SMAD9: variants seen among roughly 807,000 people sequenced by gnomAD.
The protein encoded by SMAD9 is MAD homolog 9.
A neutral mutation model predicts 46.1 loss-of-function variants in SMAD9; 36 were observed. That is an observed-to-expected ratio of 0.78 (90% CI 0.60 to 1.03). The LOEUF is 1.03. Among genes scored for constraint, SMAD9 ranks in the 50% least tolerant of loss-of-function variants. The pLI is 0.00. For missense variants in SMAD9, 572 were observed against 599.8 expected, an observed-to-expected ratio of 0.95 and a Z score of 0.48; for synonymous variants, 245 against 237.1, an observed-to-expected ratio of 1.03 and a Z score of -0.31.
At chr13:36,877,423 A>C (rs1175585419) in intron 2 of SMAD9, among the ~76,000 whole-genome samples, 1 of 152,210 alleles carries the variant, frequency 6.6e-6, no homozygotes, top group African/African-American at 2.4e-5. Flanking sequence ...AATATTCAAA[A>C]GGAAAACCAG....
intron 1 of SMAD9, among the ~76,000 whole-genome samples, chr13:36,901,998 T>C (rs1227418391): frequency 2.0e-5 from 3 of 152,244 alleles, no homozygotes; most frequent in Non-Finnish European, 2.9e-5. Flanking sequence ...AAGTTTTTAA[T>C]TTTGATGAAA....
intron 1 of SMAD9, among the ~76,000 whole-genome samples, chr13:36,909,391 A>C (rs918526319): frequency 4.6e-5 from 7 of 152,248 alleles, no homozygotes; most frequent in Admixed American, 6.5e-5. Context: ...ATAAGCCAAC[A>C]TAACAGTGAT....
At chr13:36,908,257 A>C (rs1338067059) in intron 1 of SMAD9, among the ~76,000 whole-genome samples, 4 of 152,212 alleles carry the variant, frequency 2.6e-5, no homozygotes, top group Non-Finnish European at 5.9e-5. Context: ...CATGCCATGA[A>C]TCAGTATTAT....
intron 1 of SMAD9, among the ~76,000 whole-genome samples, chr13:36,885,630 T>C (rs1031517940): frequency 2.0e-5 from 3 of 151,856 alleles, no homozygotes; most frequent in African/African-American, 7.3e-5. Context: ...AAGGGTCAGT[T>C]CTAGTTTTCT....
intron 5 of SMAD9, among the ~76,000 whole-genome samples, chr13:36,855,251 C>CAAAAAAAAAA (rs1198605048): frequency 4.4e-5 from 2 of 45,974 alleles, no homozygotes; most frequent in African/African-American, 8.6e-5. Context: ...GAGTCCATCT[C>CAAAAAAAAAA]AAAAAAAAAA....
At chr13:36,889,807 G>A (rs969773420) in intron 1 of SMAD9, among the ~76,000 whole-genome samples, 3 of 151,940 alleles carry the variant, frequency 2.0e-5, no homozygotes, top group Non-Finnish European at 4.4e-5. Context: ...TTTATCATCT[G>A]GTAAATAATG....
At chr13:36,917,513 T>C (rs12427846) in intron 1 of SMAD9, among the ~76,000 whole-genome samples, 27,393 of 152,110 alleles carry the variant, frequency 0.18, 2,982 homozygotes, top group Non-Finnish European at 0.25. Context: ...GGTTTCAACG[T>C]ACTGCTATAT....
intron 1 of SMAD9, among the ~76,000 whole-genome samples, chr13:36,887,493 G>A (rs1445979892): frequency 6.6e-6 from 1 of 152,080 alleles, no homozygotes; most frequent in Non-Finnish European, 1.5e-5. Context: ...AAAGTGCTGG[G>A]ATTACAGGTG....
At chr13:36,859,444 A>G (rs1027415245) in intron 5 of SMAD9, among the ~76,000 whole-genome samples, 6 of 152,206 alleles carry the variant, frequency 3.9e-5, no homozygotes, top group Non-Finnish European at 7.3e-5. Flanking sequence ...TTGGCACAAG[A>G]TACAGGTCAT....
rs375209300 is a variant in SMAD9 at position 36,905,076 on chromosome 13, T to C, written c.-187+15040A>G. ...TTGCCCCCCACGGGACATCTGGCAA[T>C]GCCTACAGAAATTTTTGGTTGTTGT... On this transcript the variant is annotated intron_variant, in intron 1 of 6. Transcript: ENST00000379826. Among the ~76,000 whole-genome samples, 104 of 152,300 alleles carry C rather than the reference T, an allele frequency of 6.8e-4. 2 individuals carry two copies. Among genetic ancestry groups the C allele is most frequent in the African/African-American group, 2.4e-3 (101 of 41,562 alleles).
At chr13:36,899,136 C>T (rs552195571) in intron 1 of SMAD9, among the ~76,000 whole-genome samples, 2 of 151,830 alleles carry the variant, frequency 1.3e-5, no homozygotes, top group East Asian at 3.9e-4. Flanking sequence ...CAGCAGAAAA[C>T]AAATGGAAAA....
rs117337763 is a variant in SMAD9 at position 36,895,549 on chromosome 13, T to C, written c.-186-15674A>G. On this transcript the variant is annotated intron_variant, in intron 1 of 6. Transcript: ENST00000379826. ...TTGTCAAATATCTCCTGTCACCCTC[T>C]GTAGAGAACCACTGATATAGCATAA... 8.5e-4 allele frequency among the ~76,000 whole-genome samples: 130 copies of C among 152,340 alleles called. 1 individual carries two copies. The highest frequency in any genetic ancestry group is 1.6e-3 in the Non-Finnish European group (109 of 68,020).
chr13:36,882,652 A>C (rs1046415280), intron 1 of SMAD9, among the ~76,000 whole-genome samples: 2 of 152,230 alleles, frequency 1.3e-5, no homozygotes, highest in Non-Finnish European at 2.9e-5. Context: ...AAGAGTGATA[A>C]ACACCCAATT....
At chr13:36,914,805 G>A (rs2058686676) in intron 1 of SMAD9, among the ~76,000 whole-genome samples, 1 of 152,154 alleles carries the variant, frequency 6.6e-6, no homozygotes, top group Non-Finnish European at 1.5e-5. Context: ...GCAACTCCTG[G>A]CACTTCAGTT....
intron 5 of SMAD9, among the ~76,000 whole-genome samples, chr13:36,857,481 C>T (rs2058137930): frequency 6.6e-6 from 1 of 152,122 alleles, no homozygotes; most frequent in South Asian, 2.1e-4. Context: ...GTGACTGCCA[C>T]CCACTTTTTA....
At chr13:36,859,300 C>T (rs2058156633) in intron 5 of SMAD9, among the ~76,000 whole-genome samples, 1 of 152,168 alleles carries the variant, frequency 6.6e-6, no homozygotes, top group Non-Finnish European at 1.5e-5. Flanking sequence ...ACCACCTGGA[C>T]ATGCAGACCC....
intron 3 of SMAD9, among the ~76,000 whole-genome samples, chr13:36,867,868 C>T (rs932930380): frequency 4.6e-5 from 7 of 152,144 alleles, no homozygotes; most frequent in African/African-American, 1.2e-4. Context: ...ACCCAAGGCA[C>T]GCTGAGAAGG....
chr13:36,856,905 C>T lies in SMAD9; in HGVS notation c.1004-3230G>A, dbSNP rs145647492. 5.9e-3 allele frequency among the ~76,000 whole-genome samples: 879 copies of T among 150,072 alleles called. 6 individuals carry two copies. Among genetic ancestry groups the T allele is most frequent in the African/African-American group, 0.02 (799 of 40,534 alleles). ...GCAACCTCTGCCTCCCGGGTTCAAG[C>T]GATTCTCCTGCATCAGCCTCCCGAG... On this transcript the variant is annotated intron_variant, in intron 5 of 6. Transcript: ENST00000379826.
chr13:36,875,249 AATTAC>A (rs1452967423), intron 2 of SMAD9, among the ~76,000 whole-genome samples: 3 of 152,366 alleles, frequency 2.0e-5, no homozygotes, highest in African/African-American at 7.2e-5. Context: ...ATAAACAGAC[AATTAC>A]AATAACAATG....
Sources: allele counts gnomAD v4.1 joint callset (sites outside exome capture counted in the v4.1 genomes callset), GRCh38; gene constraint gnomAD v4.1.1; transcripts MANE v1.5; gene names NCBI Gene and HGNC (gene_info 2026-07-23, HGNC 2026-07-21).